Variants in FTCD observed in about 807,000 individuals in gnomAD.
FTCD encodes the protein formimidoyltransferase cyclodeaminase.
Under a neutral mutation model 62.9 loss-of-function variants are expected in FTCD, and 76 were observed. The ratio of observed to expected loss-of-function variants is 1.21; its 90% CI spans 1.00 to 1.46. The LOEUF (loss-of-function observed/expected upper bound fraction) is 1.46, where lower values mean the gene tolerates loss of function less well. FTCD is among the 40% of genes most tolerant of loss of function. FTCD has a pLI of 0.00. For synonymous variants in FTCD, 397 were observed against 336.9 expected, an observed-to-expected ratio of 1.18 and a Z score of -1.95; for missense variants, 845 against 751.3, an observed-to-expected ratio of 1.12 and a Z score of -1.46.
At position 46,151,635 on chromosome 21, in the gene FTCD, T is replaced by C. The variant is rs762170212; in HGVS notation, c.559A>G (p.Ile187Val). 1.9e-6 allele frequency: 3 copies of C among 1,613,108 alleles called. No individual in the cohort carries two copies. Among genetic ancestry groups the C allele is most frequent in the Non-Finnish European group, 2.5e-6 (3 of 1,179,972 alleles). Reference protein sequence around the residue: ...GARKFLIAFNINLLGTKEQAH... With the variant: ...GARKFLIAFNVNLLGTKEQAH... The stretch of plus-strand genomic sequence containing the variant: ...TGCTCCTTTGTGCCGAGCAGGTTGA[T>C]GTTAAAAGCAATGAGGAACTTCCTC... Residue 187 changes from isoleucine to valine, a missense_variant, in exon 5 of 14, where the codon ATC becomes GTC. Coordinates refer to ENST00000397746, the MANE Select transcript of FTCD (RefSeq NM_206965.2).
At chr21:46,149,611 C>T (rs1024886204) in intron 7 of FTCD, among the ~76,000 whole-genome samples, 4 of 152,200 alleles carry the variant, frequency 2.6e-5, no homozygotes, top group African/African-American at 9.7e-5. Flanking sequence ...AGGCGGACAG[C>T]GGCTCTGCAG....
In FTCD at chr21:46,155,202, C is replaced by T. The variant is rs893777359; in HGVS notation, c.54+268G>A. On this transcript the variant is annotated intron_variant, in intron 1 of 13. Transcript: ENST00000397746. ...CTTTGAGGCCCAGAGATCTGCCCAA[C>T]CCCCCACCGAAAGCACCCGAAAGGC... Among the ~76,000 whole-genome samples, 8 of 152,178 alleles carry T rather than the reference C, an allele frequency of 5.3e-5. No individual in the cohort carries two copies. In the East Asian group the frequency reaches 5.8e-4, roughly 11 times the overall value.
Position 46,137,293 on chromosome 21 carries a change from A to G in FTCD, c.1485T>C (p.Tyr495=), listed in dbSNP as rs1248902381. ...KALEMGVFGA[Y]FNVLINLRDI... ...CCCTCAGGTTGATGAGCACGTTGAA[A>G]TATGCGCCAAACACGCCCATCTCCA... The change falls in exon 13 of 14, where the codon TAT becomes TAC. Residue 495 remains tyrosine (Y), a synonymous_variant. Transcript: ENST00000397746. 2 of 1,613,882 alleles carry G rather than the reference A, an allele frequency of 1.2e-6. No individual in the cohort carries two copies. Among genetic ancestry groups the G allele is most frequent in the Non-Finnish European group, 1.7e-6 (2 of 1,180,006 alleles).
chr21:46,150,569 C>A (rs376703526), intron 5 of FTCD, 44 bp from the exon 6 acceptor site: 1 of 1,600,834 alleles, frequency 6.2e-7, no homozygotes, highest in East Asian at 2.2e-5. Flanking sequence ...GGAAGCTCAT[C>A]CTGCCTGGCC....
downstream of FTCD, chr21:46,136,432 G>A (rs552310238): frequency 2.5e-6 from 4 of 1,612,570 alleles, no homozygotes; most frequent in Non-Finnish European, 3.4e-6. Flanking sequence ...GACCTGCCGG[G>A]AGCTGCACCT....
rs115280001 is a variant in FTCD at position 46,152,531 on chromosome 21, C to T, written c.367+376G>A. 816 of 205,082 alleles carry T rather than the reference C, an allele frequency of 4.0e-3. 5 individuals are homozygous for T. The highest frequency in any genetic ancestry group is 0.016 in the African/African-American group (680 of 43,302). 12.7% of individuals were successfully genotyped at this position (205,082 alleles called of 1,614,324 possible). On this transcript the variant is annotated intron_variant, in intron 3 of 13. Transcript: ENST00000397746. ...CTGCCTCGGGATTTCTTTCCAGGAG[C>T]GCTGGGTTGGTGCAGCCTAGGGGTG... is the stretch of plus-strand genomic sequence containing the variant.
chr21:46,147,066 C>G (rs928000232), intron 7 of FTCD: 2 of 152,298 alleles, frequency 1.3e-5, no homozygotes, highest in Admixed American at 6.6e-5. Flanking sequence ...ACCAGAAAGA[C>G]GAGTCCGGAA....
At chr21:46,141,337 G>C (rs925940294) in intron 10 of FTCD, among the ~76,000 whole-genome samples, 1 of 151,752 alleles carries the variant, frequency 6.6e-6, no homozygotes, top group African/African-American at 2.4e-5. Flanking sequence ...GGTAAATACA[G>C]GGTCTTGGTG....
At chr21:46,141,915 C>A (rs2079016945) in intron 10 of FTCD, among the ~76,000 whole-genome samples, 1 of 152,070 alleles carries the variant, frequency 6.6e-6, no homozygotes, top group South Asian at 2.1e-4. Context: ...GTGCCCTGGG[C>A]CCCCCCGGGG....
intron 7 of FTCD, 50 bp from the exon 8 acceptor site, chr21:46,146,377 A>C (rs1480135888): frequency 1.5e-6 from 2 of 1,328,324 alleles, no homozygotes; most frequent in Admixed American, 3.8e-5. Context: ...CTCCACCACC[A>C]GGAAAGCCTC....
chr21:46,146,691 T>G (rs1202735196), intron 7 of FTCD: 1 of 361,034 alleles, frequency 2.8e-6, no homozygotes, highest in East Asian at 5.1e-5. Flanking sequence ...GGGAAAGATT[T>G]TAATTCACCA....
At chr21:46,136,309 G>A (rs1279253276), downstream of FTCD, 6 of 751,506 alleles carry the variant, frequency 8.0e-6, no homozygotes, top group Non-Finnish European at 1.3e-5. Context: ...GGAGACAGGA[G>A]GCTGGCTGGG....
chr21:46,150,590 C>T (rs2079246641), intron 5 of FTCD, 65 bp from the exon 6 acceptor site: 1 of 1,523,254 alleles, frequency 6.6e-7, no homozygotes, highest in Non-Finnish European at 9.1e-7. Context: ...CTGCCAGTCT[C>T]TCCTGGCACT....
At chr21:46,138,814 T>C (rs2123483162) in intron 11 of FTCD, 66 bp downstream of exon 11, 1 of 1,479,010 alleles carries the variant, frequency 6.8e-7, no homozygotes, top group Non-Finnish European at 9.5e-7. Context: ...ACCCAGGTAC[T>C]CGGGATCCTG....
intron 10 of FTCD, among the ~76,000 whole-genome samples, chr21:46,141,686 T>C (rs557636075): frequency 1.8e-3 from 270 of 151,336 alleles, no homozygotes; most frequent in Non-Finnish European, 3.5e-3. Flanking sequence ...CGGGGAAAGC[T>C]GAGCCCAGAA....
At chr21:46,139,068 T>C (rs961047033) in intron 10 of FTCD, 145 bp from the exon 11 acceptor site, 4 of 712,628 alleles carry the variant, frequency 5.6e-6, no homozygotes, top group Non-Finnish European at 1.0e-5. Flanking sequence ...GGGCCAGTGG[T>C]TTATAGCCCT....
In FTCD at chr21:46,152,890, C is replaced by CG. The variant is rs746412155; in HGVS notation, c.367+16dup. 1.1e-3 allele frequency: 947 copies of CG among 900,214 alleles called. 4 individuals carry two copies. Among genetic ancestry groups the CG allele is most frequent in the East Asian group, 9.0e-3 (195 of 21,548 alleles). 55.8% of individuals were successfully genotyped at this position (900,214 alleles called of 1,614,324 possible). ...TGAGACGGGAGCAGAGTGAGGGGGG[C>CG]GGGGGGGCACGCTCACCTGGCACGT... On this transcript the variant is annotated intron_variant, in intron 3 of 13. Transcript: ENST00000397746.
intron 10 of FTCD, chr21:46,142,686 G>A (rs965547367): frequency 2.0e-5 from 3 of 152,354 alleles, no homozygotes; most frequent in East Asian, 3.9e-4. Flanking sequence ...CCACAGCTTG[G>A]AACAGAACCC....
At chr21:46,139,546 G>A (rs1214455469) in intron 10 of FTCD, among the ~76,000 whole-genome samples, 1 of 152,196 alleles carries the variant, frequency 6.6e-6, no homozygotes, top group Non-Finnish European at 1.5e-5. Context: ...CCTGGCCAAG[G>A]GGTTCTCAGT....
Sources: gnomAD v4.1 joint callset for allele counts (sites outside exome capture counted in the v4.1 genomes callset) on GRCh38, gnomAD v4.1.1 for gene constraint, MANE v1.5 for transcripts, NCBI Gene and HGNC (gene_info 2026-07-23, HGNC 2026-07-21) for gene names.